NKAIN3: variants seen among roughly 807,000 people sequenced by gnomAD.
NKAIN3 encodes sodium/potassium-transporting ATPase subunit beta-1-interacting protein 3.
In NKAIN3, 25 loss-of-function variants were observed where a neutral mutation model predicts 30.2. The ratio of observed to expected loss-of-function variants is 0.83; its 90% CI spans 0.60 to 1.16. The LOEUF is 1.16. Ranked by LOEUF, NKAIN3 falls within the 50% of genes most tolerant of loss-of-function variation. NKAIN3 has a pLI of 0.00. For missense variants in NKAIN3, 225 were observed against 254.1 expected (o/e 0.89, Z 0.78); for synonymous variants, 91 against 89.6 (o/e 1.02, Z -0.09).
intron 1 of NKAIN3, among the ~76,000 whole-genome samples, chr8:62,542,602 A>C (rs1317012428): frequency 6.6e-6 from 1 of 152,148 alleles, no homozygotes; most frequent in Non-Finnish European, 1.5e-5. Context: ...CTCTATCCCA[A>C]GTCCAACAAG....
Position 62,614,514 on chromosome 8 carries a change from A to G in NKAIN3, c.273+24720A>G, listed in dbSNP as rs1251537229. 5.3e-5 allele frequency among the ~76,000 whole-genome samples: 8 copies of G among 152,154 alleles called. 1 individual carries two copies. In the South Asian group the frequency reaches 1.7e-3, roughly 32 times the overall value. On this transcript the variant is annotated intron_variant, in intron 3 of 6. Coordinates refer to ENST00000623646, the MANE Select transcript of NKAIN3 (RefSeq NM_001304533.3). ...TGTAACCACTCCCTGGCTACTGCCT[A>G]TGTTTACTTAAGGCCCTGAGGATCT...
At chr8:62,407,834 C>G (rs1243684783) in intron 1 of NKAIN3, among the ~76,000 whole-genome samples, 1 of 152,150 alleles carries the variant, frequency 6.6e-6, no homozygotes, top group East Asian at 1.9e-4. Context: ...GAGTTAGAGA[C>G]CAGCCTAGAC....
intron 3 of NKAIN3, among the ~76,000 whole-genome samples, chr8:62,658,716 A>C (rs865860040): frequency 6.6e-6 from 1 of 152,192 alleles, no homozygotes; most frequent in Admixed American, 6.5e-5. Flanking sequence ...TGATTTGATT[A>C]GTAATTTTAT....
chr8:62,650,457 G>T (rs1586049482), intron 3 of NKAIN3, among the ~76,000 whole-genome samples: 1 of 152,050 alleles, frequency 6.6e-6, no homozygotes, highest in Non-Finnish European at 1.5e-5. Context: ...TACTCCTAGA[G>T]AATTTAATTT....
chr8:62,673,469 A>G (rs1297846143), intron 3 of NKAIN3, among the ~76,000 whole-genome samples: 1 of 152,196 alleles, frequency 6.6e-6, no homozygotes, highest in Non-Finnish European at 1.5e-5. Context: ...GGGACCAAAG[A>G]GATGGAAGAG....
chr8:62,953,293 T>C (rs1823334983), intron 5 of NKAIN3, among the ~76,000 whole-genome samples: 1 of 152,096 alleles, frequency 6.6e-6, no homozygotes. Flanking sequence ...ACGTGTACAT[T>C]AGAATTGGGA....
At chr8:62,840,792 T>C (rs1485121474) in intron 4 of NKAIN3, among the ~76,000 whole-genome samples, 1 of 152,118 alleles carries the variant, frequency 6.6e-6, no homozygotes, top group Admixed American at 6.6e-5. Context: ...GGGGAAAATG[T>C]CTCTATTGAA....
intron 1 of NKAIN3, among the ~76,000 whole-genome samples, chr8:62,348,753 T>C (rs1816089114): frequency 6.6e-6 from 1 of 152,108 alleles, no homozygotes; most frequent in Admixed American, 6.5e-5. Flanking sequence ...AAGAAACTGT[T>C]GAAACCATTG....
chr8:62,903,410 A>G (rs1821670358), intron 4 of NKAIN3, among the ~76,000 whole-genome samples: 1 of 152,142 alleles, frequency 6.6e-6, no homozygotes, highest in African/African-American at 2.4e-5. Flanking sequence ...AGTGATCCAA[A>G]TAAATAAGAG....
At chr8:62,543,663 TTA>T (rs1385548903) in intron 1 of NKAIN3, among the ~76,000 whole-genome samples, 4 of 152,174 alleles carry the variant, frequency 2.6e-5, no homozygotes, top group Non-Finnish European at 5.9e-5. Flanking sequence ...TTTATCTGCT[TTA>T]TATGAGTTCA....
rs181395084 is a variant in NKAIN3, at chr8:62,301,902, C to T, written c.54+52775C>T. ...CCAGGGATGCCAATAGAAACTTAAA[C>T]GTTCTATTTCATCTTGGAAAGCCTT... On this transcript the variant is annotated intron_variant, in intron 1 of 6. Transcript: ENST00000623646. Among the ~76,000 whole-genome samples the T allele has an allele frequency of 2.8e-3, 429 of 152,124 alleles. 2 individuals carry two copies. Among genetic ancestry groups the T allele is most frequent in the African/African-American group, 0.01 (417 of 41,540 alleles).
At chr8:62,644,200 G>A (rs1812391235) in intron 3 of NKAIN3, among the ~76,000 whole-genome samples, 1 of 152,052 alleles carries the variant, frequency 6.6e-6, no homozygotes, top group African/African-American at 2.4e-5. Context: ...TTTAGGAGGG[G>A]TGACATCCTC....
intron 1 of NKAIN3, among the ~76,000 whole-genome samples, chr8:62,395,754 T>G (rs1675765802): frequency 6.6e-6 from 1 of 152,204 alleles, no homozygotes; most frequent in African/African-American, 2.4e-5. Context: ...CTTAAGCTTC[T>G]CTGAAGTGAT....
intron 4 of NKAIN3, among the ~76,000 whole-genome samples, chr8:62,911,732 TA>T (rs1821929946): frequency 1.3e-5 from 2 of 152,048 alleles, no homozygotes. Flanking sequence ...TTTTTCAAGC[TA>T]AAGGATCATC....
At chr8:62,600,941 A>C (rs950990729) in intron 3 of NKAIN3, among the ~76,000 whole-genome samples, 1 of 152,030 alleles carries the variant, frequency 6.6e-6, no homozygotes, top group Non-Finnish European at 1.5e-5. Context: ...TGTCTTGATC[A>C]AGATTCATTT....
At position 62,427,715 on chromosome 8, in the gene NKAIN3, A is replaced by G. The variant is rs189954385; in HGVS notation, c.55-151824A>G. ...TTAAATTTGTTTTTAATTTTTATGCATACATAGAAGTTGTACACATTATAG... is the reference window on the plus strand; with the variant it reads ...TTAAATTTGTTTTTAATTTTTATGCGTACATAGAAGTTGTACACATTATAG... On this transcript the variant is annotated intron_variant, in intron 1 of 6. Transcript: ENST00000623646. Among the ~76,000 whole-genome samples, 280 of 152,080 alleles carry G rather than the reference A, an allele frequency of 1.8e-3. 1 individual carries two copies. The highest frequency in any genetic ancestry group is 6.5e-3 in the African/African-American group (269 of 41,522).
At chr8:62,630,670 C>G (rs534428881) in intron 3 of NKAIN3, among the ~76,000 whole-genome samples, 1 of 152,094 alleles carries the variant, frequency 6.6e-6, no homozygotes, top group Admixed American at 6.6e-5. Flanking sequence ...ACTCTCATCA[C>G]CCCCAAGTTC....
chr8:62,542,381 G>A (rs1438127664), intron 1 of NKAIN3, among the ~76,000 whole-genome samples: 1 of 151,654 alleles, frequency 6.6e-6, no homozygotes, highest in Non-Finnish European at 1.5e-5. Flanking sequence ...ACTGTTCTTT[G>A]TTTTTTTTGG....
chr8:62,685,884 C>G (rs1813786548), intron 3 of NKAIN3, among the ~76,000 whole-genome samples: 3 of 152,158 alleles, frequency 2.0e-5, no homozygotes, highest in Non-Finnish European at 4.4e-5. Context: ...AATCCCATCC[C>G]CTTCCTGTTT....
Sources: allele counts gnomAD v4.1 joint callset (sites outside exome capture counted in the v4.1 genomes callset), GRCh38; gene constraint gnomAD v4.1.1; transcripts MANE v1.5; gene names NCBI Gene and HGNC (gene_info 2026-07-23, HGNC 2026-07-21).